The following IL1F10 variants were observed in gnomAD, a reference collection of about 807,000 sequenced individuals.
IL1F10 encodes interleukin-1 family member 10.
Under a neutral mutation model 13.1 loss-of-function variants are expected in IL1F10, and 13 were observed. The ratio of observed to expected loss-of-function variants is 0.99; its 90% CI spans 0.64 to 1.57. The LOEUF (loss-of-function observed/expected upper bound fraction) is 1.57. Ranked by LOEUF, IL1F10 falls within the 40% of genes most tolerant of loss-of-function variation. IL1F10 has a pLI of 0.00. For missense variants in IL1F10, 191 were observed against 184.1 expected (o/e 1.04, Z -0.22); for synonymous variants, 78 against 68.2 (o/e 1.14, Z -0.71).
intron 4 of IL1F10, 49 bp from the exon 5 acceptor site, chr2:113,075,103 C>G (rs747532846): frequency 6.6e-7 from 1 of 1,525,168 alleles, no homozygotes; most frequent in Non-Finnish European, 8.9e-7. Flanking sequence ...CCAGGGCTAA[C>G]ACCTCCATCA....
At chr2:113,072,644 C>T in intron 1 of IL1F10, 67 bp from the exon 2 acceptor site, 1 of 1,104,916 alleles carries the variant, frequency 9.1e-7, no homozygotes, top group South Asian at 1.4e-5. Flanking sequence ...GGTTCTAAGC[C>T]CCAGCACGTC....
rs374511346 is a variant in IL1F10 at position 113,075,523 on chromosome 2, G to A, written c.*159G>A. ...ACATGTCCAAAGAGGTTTTGCAAAT[G>A]TGATTATGTTAAGGATCTTGAAATG... is the stretch of plus-strand genomic sequence containing the variant. On this transcript the variant is annotated 3_prime_UTR_variant, in exon 5 of 5. Transcript: ENST00000341010. 2.7e-4 allele frequency: 129 copies of A among 483,330 alleles called. 1 individual carries two copies. The South Asian group carries it at 7.0e-3, about 26-fold the overall frequency. 29.9% of individuals were successfully genotyped at this position (483,330 alleles called of 1,614,324 possible).
chr2:113,075,371 A>G lies in IL1F10; in HGVS notation c.*7A>G. 2 of 1,547,428 alleles carry G rather than the reference A, an allele frequency of 1.3e-6. No homozygotes were observed. Among genetic ancestry groups the G allele is most frequent in the South Asian group, 2.4e-5 (2 of 82,332 alleles). On this transcript the variant is annotated 3_prime_UTR_variant, in exon 5 of 5. Coordinates refer to ENST00000341010, the MANE Select transcript of IL1F10 (RefSeq NM_173161.3). Reference sequence around the variant, plus strand: ...CTTTGAACAGAGCTGGTAGGGAGACAGGAAACTGCGTTTTAGCCTTGTGCC... The same window carrying G: ...CTTTGAACAGAGCTGGTAGGGAGACGGGAAACTGCGTTTTAGCCTTGTGCC...
chr2:113,074,982 C>A, intron 4 of IL1F10, 132 bp downstream of exon 4: 1 of 1,287,360 alleles, frequency 7.8e-7, no homozygotes, highest in Non-Finnish European at 1.1e-6. Context: ...TTTCCACCAT[C>A]TCCCTCTGCA....
At position 113,074,795 on chromosome 2, in the gene IL1F10, G is replaced by C. The variant is rs1464268639; in HGVS notation, c.191G>C (p.Gly64Ala). 6.2e-7 allele frequency: 1 copy of C among 1,613,700 alleles called. No individual in the cohort carries two copies. Among genetic ancestry groups the C allele is most frequent in the Admixed American group, 1.7e-5 (1 of 60,020 alleles). Reference protein sequence around the residue: ...KVPIFLGIQGGSRCLACVETE... With the variant: ...KVPIFLGIQGASRCLACVETE... ...CCCATTTTCCTGGGGATCCAGGGAG[G>C]GAGCCGCTGCCTGGCATGTGTGGAG... The change falls in exon 4 of 5, where the codon GGG (glycine) becomes GCG (alanine). Residue 64 changes from glycine to alanine, a missense_variant. By Grantham distance (60) the Gly-to-Ala change is moderately conservative (BLOSUM62 0). Transcript: ENST00000341010.
chr2:113,074,908 G>T, intron 4 of IL1F10, 58 bp downstream of exon 4: 1 of 1,578,140 alleles, frequency 6.3e-7, no homozygotes, highest in Non-Finnish European at 8.6e-7. Context: ...CCCCTGGGAT[G>T]CTCTGGCATC....
rs1360080796 is a variant in IL1F10, at chr2:113,074,733, C to A, written c.129C>A (p.Cys43Ter). Reference sequence around the variant, plus strand: ...TCTCTTCCCTCCTAGAGAAGATCTGCATACTTCCTAACAGAGGCTTGGCCC... The same window carrying A: ...TCTCTTCCCTCCTAGAGAAGATCTGAATACTTCCTAACAGAGGCTTGGCCC... ...VADNCCAEKI[C>*]ILPNRGLART... Residue 43 changes from cysteine (C) to a stop codon, truncating the protein, a stop_gained, in exon 4 of 5, where the codon TGC (cysteine) becomes TGA (stop). Transcript: ENST00000341010. LOFTEE classifies it high-confidence loss of function. 1 of 1,613,616 alleles carries A rather than the reference C, an allele frequency of 6.2e-7. No individual in the cohort carries two copies. Among genetic ancestry groups the A allele is most frequent in the Admixed American group, 1.7e-5 (1 of 60,032 alleles).
chr2:113,074,632 T>G (rs1411079130), intron 3 of IL1F10, 91 bp from the exon 4 acceptor site: 1 of 1,504,504 alleles, frequency 6.6e-7, no homozygotes, highest in East Asian at 2.3e-5. Context: ...TGTGCCCATG[T>G]CCAGTTCCTT....
At position 113,074,999 on chromosome 2, in the gene IL1F10, A is replaced by C. The variant is rs1227986675; in HGVS notation, c.246+149A>C. 6 of 1,221,186 alleles carry C rather than the reference A, an allele frequency of 4.9e-6. No homozygotes were observed. In the South Asian group the frequency reaches 7.1e-5, roughly 15 times the overall value. 75.6% of individuals were successfully genotyped at this position (1,221,186 alleles called of 1,614,324 possible). ...TCCACCATCTCCCTCTGCACCTAGC[A>C]CCAAGACCCTTGCCCTCTAGAATCT... On this transcript the variant is annotated intron_variant, in intron 4 of 4. Coordinates refer to ENST00000341010, the MANE Select transcript of IL1F10 (RefSeq NM_173161.3).
intron 1 of IL1F10, chr2:113,072,468 A>G: frequency 2.2e-6 from 1 of 452,346 alleles, no homozygotes; most frequent in East Asian, 4.0e-5. Flanking sequence ...GCAAGCACAC[A>G]CATCCCAGGC....
chr2:113,070,417 A>G (rs1685816493), intron 1 of IL1F10, among the ~76,000 whole-genome samples: 1 of 152,174 alleles, frequency 6.6e-6, no homozygotes, highest in Non-Finnish European at 1.5e-5. Context: ...GCTGGACTGG[A>G]CCAGCATTGA....
At chr2:113,073,900 C>CAAAT (rs1553465249) in intron 2 of IL1F10, among the ~76,000 whole-genome samples, 2 of 151,588 alleles carry the variant, frequency 1.3e-5, no homozygotes, top group Non-Finnish European at 2.9e-5. Context: ...AGTATACACT[C>CAAAT]AATCTCTGTA....
intron 1 of IL1F10, among the ~76,000 whole-genome samples, chr2:113,070,470 G>A (rs1479887757): frequency 6.6e-6 from 1 of 152,214 alleles, no homozygotes; most frequent in African/African-American, 2.4e-5. Flanking sequence ...CAGAGTGGGA[G>A]TCATCAGCTT....
intron 2 of IL1F10, among the ~76,000 whole-genome samples, chr2:113,073,005 A>T: frequency 6.6e-6 from 1 of 152,086 alleles, no homozygotes; most frequent in Non-Finnish European, 1.5e-5. Context: ...GTGTTATTAA[A>T]CCCATTTTAC....
intron 1 of IL1F10, among the ~76,000 whole-genome samples, chr2:113,071,099 A>C (rs866543298): frequency 6.6e-6 from 1 of 152,256 alleles, no homozygotes; most frequent in African/African-American, 2.4e-5. Flanking sequence ...AATTACTCAT[A>C]AAGCCATAGG....
intron 2 of IL1F10, among the ~76,000 whole-genome samples, chr2:113,073,712 A>G (rs3827763): frequency 0.71 from 108,552 of 152,068 alleles, 38,959 homozygotes; most frequent in South Asian, 0.81. Flanking sequence ...TGTTATTGAG[A>G]TAGAAAAATC....
intron 3 of IL1F10, 80 bp from the exon 4 acceptor site, chr2:113,074,643 C>T: frequency 6.4e-7 from 1 of 1,560,358 alleles, no homozygotes; most frequent in Non-Finnish European, 8.8e-7. Context: ...CCAGTTCCTT[C>T]CTGCCTGAGC....
chr2:113,071,253 C>G (rs558890084), intron 1 of IL1F10, among the ~76,000 whole-genome samples: 1 of 152,290 alleles, frequency 6.6e-6, no homozygotes, highest in Non-Finnish European at 1.5e-5. Context: ...AAACAAGCTT[C>G]TATAATATCA....
rs770351924 is a variant in IL1F10 at position 113,075,252 on chromosome 2, C to G, written c.347C>G (p.Ala116Gly). 6.2e-7 allele frequency: 1 copy of G among 1,613,652 alleles called. No individual in the cohort carries two copies. The highest frequency in any genetic ancestry group is 8.5e-7 in the Non-Finnish European group (1 of 1,179,774). Reference sequence around the variant, plus strand: ...TCCGCCTTCAGGCTTGAGGCTGCTGCCTGGCCTGGCTGGTTCCTGTGTGGC... The same window carrying G: ...TCCGCCTTCAGGCTTGAGGCTGCTGGCTGGCCTGGCTGGTTCCTGTGTGGC... ...SGSAFRLEAA[A>G]WPGWFLCGPA... Residue 116 changes from alanine (A) to glycine (G), a missense_variant, in exon 5 of 5, where the codon GCC becomes GGC. Ala to Gly is a moderately conservative substitution (Grantham distance 60). Coordinates refer to ENST00000341010, the MANE Select transcript of IL1F10 (RefSeq NM_173161.3).
Sources: allele counts gnomAD v4.1 joint callset (sites outside exome capture counted in the v4.1 genomes callset), GRCh38; gene constraint gnomAD v4.1.1; transcripts MANE v1.5; gene names NCBI Gene and HGNC (gene_info 2026-07-23, HGNC 2026-07-21).